CHL1: variants seen among roughly 807,000 people sequenced by gnomAD.
CHL1 encodes cell adhesion molecule L1 like, also known as neural cell adhesion molecule L1-like protein.
A neutral mutation model predicts 141.9 loss-of-function variants in CHL1; 96 were observed. That is an observed-to-expected ratio of 0.68 (90% CI 0.57 to 0.80). The LOEUF (loss-of-function observed/expected upper bound fraction) is 0.80. Among genes scored for constraint, CHL1 ranks in the 30% least tolerant of loss-of-function variants. The pLI, the probability that CHL1 is intolerant of heterozygous loss-of-function variation, is 0.00. For missense variants in CHL1, 1,820 were observed against 1,457.2 expected (o/e 1.25, Z -4.05); for synonymous variants, 613 against 502.2 (o/e 1.22, Z -2.95).
chr3:258,519 C>A (rs190222512), intron 2 of CHL1, among the ~76,000 whole-genome samples: 1 of 152,188 alleles, frequency 6.6e-6, no homozygotes, highest in East Asian at 1.9e-4. Flanking sequence ...AAATTAAAAT[C>A]GAAACCCTGT....
intron 2 of CHL1, among the ~76,000 whole-genome samples, chr3:275,954 A>G (rs1180402759): frequency 6.6e-6 from 1 of 152,080 alleles, no homozygotes; most frequent in East Asian, 1.9e-4. Context: ...TTTAATCCTT[A>G]AAACCCTTTT....
At chr3:233,087 A>G (rs1702007771) in intron 1 of CHL1, among the ~76,000 whole-genome samples, 1 of 152,052 alleles carries the variant, frequency 6.6e-6, no homozygotes, top group Non-Finnish European at 1.5e-5. Flanking sequence ...ATACAAAGAT[A>G]CCAAACTGGA....
At chr3:237,635 T>C (rs73090643) in intron 1 of CHL1, among the ~76,000 whole-genome samples, 6,023 of 152,332 alleles carry the variant, frequency 0.04, 419 homozygotes, top group African/African-American at 0.14. Flanking sequence ...TTGACATTTA[T>C]TGTCATTGTA....
rs368384292 is a variant in CHL1 at position 224,121 on chromosome 3, T to C, written c.-174-20492T>C. Among the ~76,000 whole-genome samples, 12 of 152,198 alleles carry C rather than the reference T, an allele frequency of 7.9e-5. No individual in the cohort carries two copies. The East Asian group carries it at 1.5e-3, about 20-fold the overall frequency. The stretch of plus-strand genomic sequence containing the variant: ...TACATCCTAATAGAGTTCAGGCCCC[T>C]CCCATAATCCTAGTCTTGTGGCCTT... On this transcript the variant is annotated intron_variant, in intron 1 of 27. Transcript: ENST00000256509.
chr3:394,312 A>C (rs2099861428), intron 23 of CHL1, among the ~76,000 whole-genome samples: 1 of 152,190 alleles, frequency 6.6e-6, no homozygotes, highest in Admixed American at 6.5e-5. Flanking sequence ...CTTAAGTCAA[A>C]GATACAATGA....
chr3:239,730 T>C (rs1692372399), intron 1 of CHL1, among the ~76,000 whole-genome samples: 1 of 151,896 alleles, frequency 6.6e-6, no homozygotes, highest in South Asian at 2.1e-4. Context: ...TGAACCCAAT[T>C]TGTAGTCTTT....
intron 5 of CHL1, among the ~76,000 whole-genome samples, chr3:339,799 C>G (rs1451956296): frequency 6.6e-6 from 1 of 152,190 alleles, no homozygotes; most frequent in African/African-American, 2.4e-5. Flanking sequence ...AATGAGTAAA[C>G]CTTTATATTT....
chr3:332,722 C>G lies in CHL1; in HGVS notation c.385+4368C>G, dbSNP rs188566946. 4.6e-5 allele frequency among the ~76,000 whole-genome samples: 7 copies of G among 152,190 alleles called. No individual in the cohort carries two copies. In the East Asian group the frequency reaches 1.4e-3, roughly 29 times the overall value. ...TTTCAGTAGGAAATGTCCATGAATT[C>G]TGGATTAGAAAGTATTGCTATGAAA... is the stretch of plus-strand genomic sequence containing the variant. On this transcript the variant is annotated intron_variant, in intron 5 of 27. Coordinates refer to ENST00000256509, the MANE Select transcript of CHL1 (RefSeq NM_006614.4).
chr3:305,811 G>C lies in CHL1; in HGVS notation c.-94-13872G>C, dbSNP rs188116650. Among the ~76,000 whole-genome samples the C allele has an allele frequency of 2.0e-3, 303 of 151,728 alleles. 2 individuals carry two copies. The highest frequency in any genetic ancestry group is 2.8e-3 in the Admixed American group (42 of 15,234). ...TAATCTTCAAATTTTTACTGAATACGTTCCTTTGCCATTATTTTCTGTTAC... is the reference window on the plus strand; with the variant it reads ...TAATCTTCAAATTTTTACTGAATACCTTCCTTTGCCATTATTTTCTGTTAC... On this transcript the variant is annotated intron_variant, in intron 2 of 27. Transcript: ENST00000256509.
At chr3:203,530 G>T (rs896038636) in intron 1 of CHL1, among the ~76,000 whole-genome samples, 3 of 152,176 alleles carry the variant, frequency 2.0e-5, no homozygotes, top group Admixed American at 2.0e-4. Flanking sequence ...CCTTAAAGAC[G>T]GGCCCACATC....
intron 2 of CHL1, among the ~76,000 whole-genome samples, chr3:318,179 C>G (rs1700286408): frequency 6.6e-6 from 1 of 151,756 alleles, no homozygotes; most frequent in Non-Finnish European, 1.5e-5. Context: ...CTTAAGACTG[C>G]TAAAACTGTG....
intron 1 of CHL1, among the ~76,000 whole-genome samples, chr3:202,565 T>G (rs570123021): frequency 6.6e-6 from 1 of 152,236 alleles, no homozygotes. Context: ...ACTAGAAATC[T>G]GGATTTTTGA....
chr3:386,429 G>C (rs1057177073), intron 19 of CHL1, among the ~76,000 whole-genome samples: 1 of 152,070 alleles, frequency 6.6e-6, no homozygotes, highest in South Asian at 2.1e-4. Flanking sequence ...ATATTAAGTC[G>C]GTCATGACTC....
At chr3:294,946 G>A (rs1266575235) in intron 2 of CHL1, among the ~76,000 whole-genome samples, 1 of 152,124 alleles carries the variant, frequency 6.6e-6, no homozygotes, top group Non-Finnish European at 1.5e-5. Context: ...GCTGTTCTAA[G>A]ATAGCTTATA....
chr3:259,630 T>C (rs1346498668), intron 2 of CHL1, among the ~76,000 whole-genome samples: 1 of 149,070 alleles, frequency 6.7e-6, no homozygotes, highest in African/African-American at 2.6e-5. Flanking sequence ...GCTTTATTAT[T>C]TTTTTCATAG....
At position 349,500 on chromosome 3, in the gene CHL1, T is replaced by C; in HGVS notation, c.990T>C (p.Asn330=). ...DKGNYRCTAS[N]FLGTATHDFH... ...GAAATTATCGCTGCACAGCCAGCAATTTCTTGGGAACAGCCACTCACGATT... is the reference window on the plus strand; with the variant it reads ...GAAATTATCGCTGCACAGCCAGCAACTTCTTGGGAACAGCCACTCACGATT... The change falls in exon 10 of 28, where the codon AAT becomes AAC. Residue 330 remains asparagine, a synonymous_variant. Coordinates refer to ENST00000256509, the MANE Select transcript of CHL1 (RefSeq NM_006614.4). The C allele has an allele frequency of 6.2e-7, 1 of 1,613,970 alleles. No homozygotes were observed. The highest frequency in any genetic ancestry group is 8.5e-7 in the Non-Finnish European group (1 of 1,179,936).
Position 283,749 on chromosome 3 carries a change from A to G in CHL1, c.-94-35934A>G, listed in dbSNP as rs776595484. ...TAGAACCATCATCCCCGGCATCTCA[A>G]TATAAGCCAGTATTATTCTCCCAAT... On this transcript the variant is annotated intron_variant, in intron 2 of 27. Coordinates refer to ENST00000256509, the MANE Select transcript of CHL1 (RefSeq NM_006614.4). Among the ~76,000 whole-genome samples, 17 of 152,300 alleles carry G rather than the reference A, an allele frequency of 1.1e-4. 1 individual carries two copies. Among genetic ancestry groups the G allele is most frequent in the South Asian group, 8.3e-4 (4 of 4,820 alleles).
At chr3:337,047 C>T (rs2125120804) in intron 5 of CHL1, among the ~76,000 whole-genome samples, 1 of 152,192 alleles carries the variant, frequency 6.6e-6, no homozygotes, top group Middle Eastern at 3.4e-3. Context: ...AATGTGAAAG[C>T]CTAATGGAGA....
chr3:350,088 A>C (rs1157427727), intron 10 of CHL1, among the ~76,000 whole-genome samples: 1 of 152,198 alleles, frequency 6.6e-6, no homozygotes, highest in Admixed American at 6.5e-5. Context: ...TGATAAATTC[A>C]GTATGTTACT....
Sources: allele counts gnomAD v4.1 joint callset (sites outside exome capture counted in the v4.1 genomes callset), GRCh38; gene constraint gnomAD v4.1.1; transcripts MANE v1.5; gene names NCBI Gene and HGNC (gene_info 2026-07-23, HGNC 2026-07-21).